The following AGBL1 variants were observed in gnomAD, a reference collection of about 807,000 sequenced individuals.
AGBL1 encodes AGBL carboxypeptidase 1.
A neutral mutation model predicts 118.9 loss-of-function variants in AGBL1; 130 were observed. That is an observed-to-expected ratio of 1.09 (90% confidence interval 0.95 to 1.26). AGBL1 has a LOEUF of 1.26. Among genes scored for constraint, AGBL1 ranks in the 50% most tolerant of loss-of-function variants. The probability of loss-of-function intolerance (pLI) is 0.00; values close to 1 mark genes in which losing one functional copy is unlikely to be tolerated. For synonymous variants in AGBL1, 555 were observed against 478.9 expected (o/e 1.16, Z -2.08); for missense variants, 1,584 against 1,298.1 (o/e 1.22, Z -3.38).
chr15:86,420,344 A>C (rs957364148), intron 18 of AGBL1, among the ~76,000 whole-genome samples: 2 of 152,156 alleles, frequency 1.3e-5, no homozygotes, highest in Admixed American at 1.3e-4. Context: ...GTGTACCTCC[A>C]GCAAACTCAA....
chr15:86,403,097 G>A lies in AGBL1; in HGVS notation c.2555+5551G>A, dbSNP rs200464109. On this transcript the variant is annotated intron_variant, in intron 18 of 22. Transcript: ENST00000614907. ...TGGTAGCTGGATTAGAGTGGGAAGT[G>A]GGGAGAAGACAGGTGATTCCTGAAC... 9.9e-5 allele frequency among the ~76,000 whole-genome samples: 15 copies of A among 152,234 alleles called. No homozygotes were observed. The East Asian group carries it at 2.9e-3, about 29-fold the overall frequency.
At chr15:86,295,136 A>G (rs1229657126) in intron 16 of AGBL1, 119 bp from the exon 17 acceptor site, 1 of 1,251,558 alleles carries the variant, frequency 8.0e-7, no homozygotes, top group East Asian at 2.6e-5. Flanking sequence ...CCCAATACAT[A>G]AAGGACAGAT....
At chr15:86,337,026 C>T (rs1281209864) in intron 17 of AGBL1, among the ~76,000 whole-genome samples, 6 of 152,238 alleles carry the variant, frequency 3.9e-5, no homozygotes, top group Admixed American at 1.3e-4. Context: ...TCTGGCTGTC[C>T]GGGAATGGGG....
At chr15:86,154,624 C>A in intron 4 of AGBL1, 63 bp downstream of exon 4, 2 of 1,538,002 alleles carry the variant, frequency 1.3e-6, no homozygotes, top group Admixed American at 1.9e-5. Context: ...CACATGGAAA[C>A]TGCATGAGGG....
chr15:86,154,700 A>C (rs2077164895), intron 4 of AGBL1, 139 bp downstream of exon 4: 1 of 1,129,136 alleles, frequency 8.9e-7, no homozygotes, highest in African/African-American at 1.6e-5. Flanking sequence ...AATAAAAGAG[A>C]CTGACAATCC....
chr15:86,493,939 C>A (rs2082815283), intron 18 of AGBL1, among the ~76,000 whole-genome samples: 1 of 151,990 alleles, frequency 6.6e-6, no homozygotes, highest in Admixed American at 6.6e-5. Context: ...CTCTATCCTT[C>A]CATTCTCCTT....
At chr15:87,004,393 T>C (rs2081475092) in intron 24 of AGBL1, among the ~76,000 whole-genome samples, 1 of 152,174 alleles carries the variant, frequency 6.6e-6, no homozygotes, top group African/African-American at 2.4e-5. Context: ...GCATATATAT[T>C]TAGGATAGTT....
At chr15:86,512,715 A>G (rs556544302) in intron 18 of AGBL1, among the ~76,000 whole-genome samples, 2 of 151,912 alleles carry the variant, frequency 1.3e-5, no homozygotes, top group East Asian at 3.9e-4. Context: ...TTTGCCTTGA[A>G]TCCTTGTTAT....
chr15:86,924,204 T>G (rs1343331743), intron 23 of AGBL1, among the ~76,000 whole-genome samples: 1 of 152,242 alleles, frequency 6.6e-6, no homozygotes, highest in African/African-American at 2.4e-5. Flanking sequence ...CACAAATGTT[T>G]GCATCACGAT....
rs114744696 is a variant in AGBL1, at chr15:86,689,738, G to A, written c.3158+15302G>A. On this transcript the variant is annotated intron_variant, in intron 22 of 22. Coordinates refer to ENST00000614907, the MANE Select transcript of AGBL1 (RefSeq NM_001386094.1). ...ACTATAGAAACGATTGTCCCTTCCTGTATAATGTGATACTACAACACATTA... is the reference window on the plus strand; with the variant it reads ...ACTATAGAAACGATTGTCCCTTCCTATATAATGTGATACTACAACACATTA... Among the ~76,000 whole-genome samples the A allele has an allele frequency of 8.5e-3, 1,294 of 152,082 alleles. 10 individuals carry two copies. The highest frequency in any genetic ancestry group is 0.029 in the South Asian group (139 of 4,816).
At chr15:86,396,147 GTA>G (rs67895355) in intron 17 of AGBL1, among the ~76,000 whole-genome samples, 79,123 of 144,328 alleles carry the variant, frequency 0.55, 22,363 homozygotes, top group East Asian at 0.79. Flanking sequence ...ATATATATGT[GTA>G]TATATATATA....
At chr15:86,366,817 G>C (rs79282287) in intron 17 of AGBL1, among the ~76,000 whole-genome samples, 7 of 152,112 alleles carry the variant, frequency 4.6e-5, no homozygotes, top group Admixed American at 3.9e-4. Context: ...GGGGAAAAAG[G>C]TTCCTTTACT....
At chr15:86,840,227 A>G (rs1048189449) in intron 22 of AGBL1, among the ~76,000 whole-genome samples, 1 of 151,704 alleles carries the variant, frequency 6.6e-6, no homozygotes, top group Admixed American at 6.6e-5. Context: ...TCTCTCTCTT[A>G]ACACTTTAAC....
At chr15:86,965,185 T>C (rs558595406) in intron 23 of AGBL1, among the ~76,000 whole-genome samples, 3 of 152,292 alleles carry the variant, frequency 2.0e-5, no homozygotes, top group African/African-American at 7.2e-5. Flanking sequence ...TTTCTGGTTC[T>C]AGATCCTTGA....
chr15:86,249,148 G>T (rs988592903), intron 7 of AGBL1, among the ~76,000 whole-genome samples: 1 of 152,088 alleles, frequency 6.6e-6, no homozygotes, highest in Non-Finnish European at 1.5e-5. Flanking sequence ...GGTGATATAA[G>T]TGTTCCAGTA....
chr15:86,228,097 A>G (rs559980717), intron 6 of AGBL1, among the ~76,000 whole-genome samples: 1 of 152,240 alleles, frequency 6.6e-6, no homozygotes, highest in African/African-American at 2.4e-5. Flanking sequence ...TGGTACCAAC[A>G]TTCTGATGAG....
chr15:86,518,920 C>T (rs1013950188), intron 18 of AGBL1, among the ~76,000 whole-genome samples: 8 of 150,818 alleles, frequency 5.3e-5, no homozygotes, highest in Non-Finnish European at 8.8e-5. Flanking sequence ...TCTGAGCATC[C>T]TAGATCTGGC....
At chr15:86,323,127 C>T (rs1436997451) in intron 17 of AGBL1, among the ~76,000 whole-genome samples, 1 of 151,254 alleles carries the variant, frequency 6.6e-6, no homozygotes, top group East Asian at 1.9e-4. Flanking sequence ...TACTTTGGAG[C>T]ATAGCACATT....
chr15:86,266,000 A>T (rs2079064710), intron 11 of AGBL1, among the ~76,000 whole-genome samples: 1 of 152,232 alleles, frequency 6.6e-6, no homozygotes, highest in South Asian at 2.1e-4. Context: ...CTAGCAGCTA[A>T]TAGTCCTAAT....
Sources: allele counts gnomAD v4.1 joint callset (sites outside exome capture counted in the v4.1 genomes callset), GRCh38; gene constraint gnomAD v4.1.1; transcripts MANE v1.5; gene names NCBI Gene and HGNC (gene_info 2026-07-23, HGNC 2026-07-21).